Variants in KHDRBS2 observed in about 807,000 individuals in gnomAD.
The protein encoded by KHDRBS2 is KH RNA binding domain containing, signal transduction associated 2.
Under a neutral mutation model 44.3 loss-of-function variants are expected in KHDRBS2, and 26 were observed. The observed-to-expected ratio is 0.59, with a 90% CI of 0.43 to 0.81. The LOEUF is 0.81. KHDRBS2 is among the 40% of genes least tolerant of loss of function. KHDRBS2 has a pLI of 0.00. For missense variants in KHDRBS2, 476 were observed against 433.1 expected, an observed-to-expected ratio of 1.10 and a Z score of -0.88; for synonymous variants, 194 against 151.1, an observed-to-expected ratio of 1.28 and a Z score of -2.08.
chr6:62,277,780 G>A (rs570037883), intron 1 of KHDRBS2, among the ~76,000 whole-genome samples: 1 of 152,134 alleles, frequency 6.6e-6, no homozygotes, highest in African/African-American at 2.4e-5. Flanking sequence ...TTTTATGATT[G>A]TTTATTATCT....
chr6:62,116,836 C>T (rs1038333379), intron 2 of KHDRBS2, among the ~76,000 whole-genome samples: 11 of 152,062 alleles, frequency 7.2e-5, no homozygotes, highest in African/African-American at 2.2e-4. Context: ...TATTTTTTGG[C>T]TCATGCATAT....
intron 4 of KHDRBS2, among the ~76,000 whole-genome samples, chr6:61,963,775 C>A (rs531012479): frequency 2.0e-5 from 3 of 152,158 alleles, no homozygotes. Context: ...TTTTGATGTG[C>A]AATCATGTAC....
At chr6:61,762,367 C>T (rs1164148648) in intron 6 of KHDRBS2, among the ~76,000 whole-genome samples, 1 of 152,096 alleles carries the variant, frequency 6.6e-6, no homozygotes, top group Non-Finnish European at 1.5e-5. Flanking sequence ...ATATTTGAGC[C>T]TTCGAAACAC....
intron 3 of KHDRBS2, among the ~76,000 whole-genome samples, chr6:61,986,606 C>T (rs188605451): frequency 7.0e-4 from 106 of 152,238 alleles, no homozygotes; most frequent in African/African-American, 2.4e-3. Context: ...GGTCAGGCTG[C>T]TACTGCAAAA....
intron 2 of KHDRBS2, among the ~76,000 whole-genome samples, chr6:62,102,692 G>A (rs1802180188): frequency 6.6e-6 from 1 of 152,176 alleles, no homozygotes; most frequent in Non-Finnish European, 1.5e-5. Context: ...CACCAGCAGA[G>A]GGTGGGAAGA....
rs1801744990 is a variant in KHDRBS2 at position 62,100,980 on chromosome 6, G to A, written c.220-52986C>T. On this transcript the variant is annotated intron_variant, in intron 2 of 8. Coordinates refer to ENST00000281156, the MANE Select transcript of KHDRBS2 (RefSeq NM_152688.4). ...GAATAAACATTCAACACTCAGAGCA[G>A]TCCTCCAATAGTTTTACAGGCAGAA... 2.6e-5 allele frequency among the ~76,000 whole-genome samples: 4 copies of A among 152,146 alleles called. No individual in the cohort carries two copies. The South Asian group carries it at 8.3e-4, about 31-fold the overall frequency.
chr6:61,951,836 ATTTTT>A (rs1040207353), intron 4 of KHDRBS2, among the ~76,000 whole-genome samples: 1 of 151,446 alleles, frequency 6.6e-6, no homozygotes, highest in Non-Finnish European at 1.5e-5. Context: ...TCTTGTTGAG[ATTTTT>A]TTTTAGTTGG....
intron 8 of KHDRBS2, among the ~76,000 whole-genome samples, chr6:61,687,563 AT>A (rs979406935): frequency 6.6e-6 from 1 of 151,826 alleles, no homozygotes; most frequent in Non-Finnish European, 1.5e-5. Flanking sequence ...GATGTTCTGC[AT>A]TTGCATTACT....
chr6:62,045,925 T>C (rs910405812), intron 3 of KHDRBS2, among the ~76,000 whole-genome samples: 16 of 137,076 alleles, frequency 1.2e-4, no homozygotes, highest in African/African-American at 4.3e-4. Flanking sequence ...TAAGACCTTA[T>C]CATTCAAAAG....
the KHDRBS2 span, among the ~76,000 whole-genome samples, chr6:61,592,583 A>C: frequency 6.6e-6 from 1 of 152,210 alleles, no homozygotes; most frequent in Non-Finnish European, 1.5e-5. Context: ...AATATTTTCC[A>C]TAAAAGGCAG....
chr6:61,933,756 G>A (rs80015129), intron 4 of KHDRBS2, among the ~76,000 whole-genome samples: 1,541 of 152,260 alleles, frequency 0.01, 10 homozygotes, highest in Non-Finnish European at 0.016. Context: ...TGAGACCACC[G>A]TGTATATGAA....
intron 6 of KHDRBS2, among the ~76,000 whole-genome samples, chr6:61,885,464 C>T (rs1264799546): frequency 2.6e-5 from 4 of 152,124 alleles, no homozygotes; most frequent in African/African-American, 4.8e-5. Context: ...CCACATCCTT[C>T]CCGTATCAGT....
intron 4 of KHDRBS2, among the ~76,000 whole-genome samples, chr6:61,959,645 G>A (rs1384527924): frequency 3.3e-5 from 5 of 152,032 alleles, no homozygotes; most frequent in Admixed American, 1.3e-4. Context: ...ACTAAGAATA[G>A]AATATAAAAT....
At position 61,697,241 on chromosome 6, in the gene KHDRBS2, G is replaced by C; in HGVS notation, c.906C>G (p.Tyr302Ter). Residue 302 changes from tyrosine to a stop codon, truncating the protein, a stop_gained, in exon 8 of 9, where the codon TAC becomes TAG. Coordinates refer to ENST00000281156, the MANE Select transcript of KHDRBS2 (RefSeq NM_152688.4). LOFTEE classifies it high-confidence loss of function. Reference protein sequence around the residue: ...YATQTQSVPEYYDYGHGVSED... With the variant: ...YATQTQSVPE Reference sequence around the variant, plus strand: ...CACTTACTCCATGACCGTAGTCATAGTATTCAGGCACACTGCAACAAATTT... The same window carrying C: ...CACTTACTCCATGACCGTAGTCATACTATTCAGGCACACTGCAACAAATTT... 6.2e-7 allele frequency: 1 copy of C among 1,606,954 alleles called. No homozygotes were observed. The highest frequency in any genetic ancestry group is 8.5e-7 in the Non-Finnish European group (1 of 1,173,668).
chr6:61,646,276 G>C, the KHDRBS2 span, among the ~76,000 whole-genome samples: 1 of 152,122 alleles, frequency 6.6e-6, no homozygotes, highest in East Asian at 1.9e-4. Flanking sequence ...GCTATAAACA[G>C]AGGTATTGTT....
rs1427713504 is a variant in KHDRBS2, at chr6:61,911,805, A to G, written c.484-10434T>C. Among the ~76,000 whole-genome samples the G allele has an allele frequency of 3.3e-5, 5 of 152,090 alleles. No individual in the cohort carries two copies. The East Asian group carries it at 9.6e-4, about 29-fold the overall frequency. On this transcript the variant is annotated intron_variant, in intron 4 of 8. Coordinates refer to ENST00000281156, the MANE Select transcript of KHDRBS2 (RefSeq NM_152688.4). ...TCTTGAAGCTCTTTGTAAAGAGTAT[A>G]CAATATTGCCATGAATGCCACTTCA...
At chr6:62,087,623 C>T (rs1798647060) in intron 2 of KHDRBS2, among the ~76,000 whole-genome samples, 1 of 152,100 alleles carries the variant, frequency 6.6e-6, no homozygotes, top group African/African-American at 2.4e-5. Flanking sequence ...TTGCCCTTAA[C>T]ATTTTTTCCT....
intron 1 of KHDRBS2, among the ~76,000 whole-genome samples, chr6:62,224,021 C>G (rs916481115): frequency 6.6e-6 from 1 of 152,160 alleles, no homozygotes; most frequent in Admixed American, 6.5e-5. Context: ...TTTTCAGCAA[C>G]TCCTCATTCG....
intron 6 of KHDRBS2, among the ~76,000 whole-genome samples, chr6:61,874,488 T>C (rs992782082): frequency 1.3e-5 from 2 of 152,144 alleles, no homozygotes; most frequent in Non-Finnish European, 2.9e-5. Flanking sequence ...TCACCAGTAA[T>C]CACTACTACA....
Sources: gnomAD v4.1 joint callset for allele counts (sites outside exome capture counted in the v4.1 genomes callset) on GRCh38, gnomAD v4.1.1 for gene constraint, MANE v1.5 for transcripts, NCBI Gene and HGNC (gene_info 2026-07-23, HGNC 2026-07-21) for gene names.